UBR1: variants seen among roughly 807,000 people sequenced by gnomAD.
UBR1 encodes ubiquitin protein ligase E3 component n-recognin 1, also known as E3 ubiquitin-protein ligase UBR1.
In UBR1, 102 loss-of-function variants were observed where a neutral mutation model predicts 242.1. That is an observed-to-expected ratio of 0.42 (90% CI 0.36 to 0.50). The LOEUF (loss-of-function observed/expected upper bound fraction) is 0.50, where lower values mean the gene tolerates loss of function less well. Among genes scored for constraint, UBR1 ranks in the 20% least tolerant of loss-of-function variants. UBR1 has a pLI of 0.01. For missense variants in UBR1, 1,772 were observed against 2,101.8 expected (o/e 0.84, Z 3.07); for synonymous variants, 675 against 684.8 (o/e 0.99, Z 0.22).
At chr15:42,962,115 G>C (rs2032033015) in intron 42 of UBR1, among the ~76,000 whole-genome samples, 1 of 80,750 alleles carries the variant, frequency 1.2e-5, no homozygotes, top group African/African-American at 4.4e-5. Context: ...CTCTTTCTTT[G>C]TTGTGTCTAA....
intron 20 of UBR1, among the ~76,000 whole-genome samples, chr15:43,030,814 A>T (rs956806697): frequency 1.3e-5 from 2 of 152,240 alleles, no homozygotes; most frequent in African/African-American, 4.8e-5. Context: ...TATCTATAAG[A>T]GGGTTACAAA....
intron 6 of UBR1, among the ~76,000 whole-genome samples, chr15:43,064,867 G>A (rs765444300): frequency 1.9e-4 from 29 of 152,068 alleles, no homozygotes; most frequent in Non-Finnish European, 3.2e-4. Flanking sequence ...ACCACACCCG[G>A]CCCTATCTTA....
At chr15:42,967,824 C>T (rs1421195576) in intron 40 of UBR1, among the ~76,000 whole-genome samples, 2 of 151,598 alleles carry the variant, frequency 1.3e-5, no homozygotes, top group Non-Finnish European at 2.9e-5. Flanking sequence ...GTAAAGGTGA[C>T]TGATGAGGGG....
chr15:43,030,003 G>A lies in UBR1; in HGVS notation c.2320C>T (p.His774Tyr). 6.2e-7 allele frequency: 1 copy of A among 1,613,988 alleles called. No homozygotes were observed. Among genetic ancestry groups the A allele is most frequent in the Non-Finnish European group, 8.5e-7 (1 of 1,179,966 alleles). The change falls in exon 21 of 47, where the codon CAC becomes TAC. Residue 774 changes from histidine to tyrosine, a missense_variant. His to Tyr is a moderately conservative substitution (Grantham distance 83). This residue lies in a region of UBR1 where 73 missense variants were observed against 128.9 expected (regional missense o/e 0.57). Coordinates refer to ENST00000290650, the MANE Select transcript of UBR1 (RefSeq NM_174916.3). ...GGCATGGGTTCAATGCAAAGCAAGT[G>A]AATGATTTCTCTCATTGTGACCTCT... ...KEEVTMREII[H>Y]LLCIEPMPHS...
At chr15:43,067,647 C>A (rs1003504887) in intron 6 of UBR1, among the ~76,000 whole-genome samples, 4 of 152,168 alleles carry the variant, frequency 2.6e-5, no homozygotes, top group African/African-American at 9.7e-5. Context: ...AGATGACATT[C>A]TTACCTACGC....
rs554712845 is a variant in UBR1, at chr15:43,015,615, G to C, written c.3209+73C>G. 179 of 1,523,416 alleles carry C rather than the reference G, an allele frequency of 1.2e-4. No homozygotes were observed. The African/African-American group carries it at 2.1e-3, about 18-fold the overall frequency. 94.4% of individuals were successfully genotyped at this position (1,523,416 alleles called of 1,614,324 possible). Reference sequence around the variant, plus strand: ...TATGACCCTGCCAAATCCCCCTCTCGGAGAAACACCCAAGAATGATCAATT... The same window carrying C: ...TATGACCCTGCCAAATCCCCCTCTCCGAGAAACACCCAAGAATGATCAATT... On this transcript the variant is annotated intron_variant, in intron 29 of 46. Coordinates refer to ENST00000290650, the MANE Select transcript of UBR1 (RefSeq NM_174916.3).
At chr15:43,035,231 A>T (rs1385851872) in intron 19 of UBR1, among the ~76,000 whole-genome samples, 1 of 152,136 alleles carries the variant, frequency 6.6e-6, no homozygotes, top group Non-Finnish European at 1.5e-5. Flanking sequence ...CAAGCAAGAC[A>T]CTAAAACTTT....
intron 1 of UBR1, among the ~76,000 whole-genome samples, chr15:43,102,641 A>G (rs2034251284): frequency 1.3e-5 from 2 of 152,054 alleles, no homozygotes; most frequent in South Asian, 2.1e-4. Flanking sequence ...TTGATTCCCA[A>G]TTTTTCTCAG....
chr15:42,989,945 G>T, intron 34 of UBR1, 85 bp downstream of exon 34: 3 of 961,892 alleles, frequency 3.1e-6, no homozygotes, highest in South Asian at 1.5e-5. Context: ...AAATAAAAAA[G>T]TAAGGAAAGA....
At chr15:42,950,999 C>T (rs1287622106) in intron 45 of UBR1, among the ~76,000 whole-genome samples, 1 of 152,118 alleles carries the variant, frequency 6.6e-6, no homozygotes. Context: ...GCTGTGGGTT[C>T]CCTAAAAATA....
intron 10 of UBR1, 24 bp downstream of exon 10, chr15:43,058,317 G>T: frequency 7.1e-7 from 1 of 1,401,024 alleles, no homozygotes; most frequent in South Asian, 1.2e-5. Flanking sequence ...TCTATTTATT[G>T]ATATCTAATT....
intron 33 of UBR1, among the ~76,000 whole-genome samples, chr15:42,996,157 C>G (rs181645881): frequency 6.6e-6 from 1 of 152,332 alleles, no homozygotes; most frequent in East Asian, 1.9e-4. Flanking sequence ...TCAGCCCCTA[C>G]TGATCAATTC....
chr15:43,038,147 T>G (rs1462512983), intron 16 of UBR1, 24 bp downstream of exon 16: 16 of 1,612,430 alleles, frequency 9.9e-6, no homozygotes, highest in Non-Finnish European at 1.4e-5. Context: ...TATAAGCAAA[T>G]CAATACTTAG....
At chr15:42,998,940 T>C (rs1006561258) in intron 32 of UBR1, among the ~76,000 whole-genome samples, 1 of 148,030 alleles carries the variant, frequency 6.8e-6, no homozygotes, top group South Asian at 2.2e-4. Context: ...GCCTTTGCTT[T>C]TTTTTTTTTT....
In UBR1 at chr15:43,003,893, T is replaced by G. The variant is rs575536468; in HGVS notation, c.3453A>C (p.Ala1151=). ...CACAGCTTCCTGTATAAGTTCCATA[T>G]GCCAAGTCTGGATCCATGAAAAGTG... ...LDPLFMDPDL[A]YGTYTGSCGH... is the part of the protein sequence containing the mutation. The change falls in exon 31 of 47, where the codon GCA becomes GCC. Residue 1151 remains alanine (A), a synonymous_variant. Transcript: ENST00000290650. The G allele has an allele frequency of 6.8e-6, 11 of 1,614,004 alleles. No homozygotes were observed. Among genetic ancestry groups the G allele is most frequent in the Non-Finnish European group, 8.5e-6 (10 of 1,180,008 alleles).
Position 43,043,324 on chromosome 15 carries a change from A to G in UBR1, c.1740T>C (p.Ser580=). 6.2e-7 allele frequency: 1 copy of G among 1,614,126 alleles called. No homozygotes were observed. The highest frequency in any genetic ancestry group is 1.1e-5 in the South Asian group (1 of 91,078). ...AVMRCSTSFI[S]SSKTVVQSCG... is the part of the protein sequence containing the mutation. ...ACGATTGTACTACTGTCTTGCTACT[A>G]GATATGAAACTGGTACTGCACCTCA... is the stretch of plus-strand genomic sequence containing the variant. The change falls in exon 15 of 47, where the codon TCT becomes TCC. Residue 580 remains serine (S), a synonymous_variant. Coordinates refer to ENST00000290650, the MANE Select transcript of UBR1 (RefSeq NM_174916.3).
chr15:43,097,678 A>G (rs569248990), intron 1 of UBR1, among the ~76,000 whole-genome samples: 1 of 152,258 alleles, frequency 6.6e-6, no homozygotes, highest in Non-Finnish European at 1.5e-5. Flanking sequence ...TTTCTTAAAC[A>G]TCACGAACCA....
intron 3 of UBR1, among the ~76,000 whole-genome samples, chr15:43,082,355 T>C (rs1161315476): frequency 6.6e-6 from 1 of 152,188 alleles, no homozygotes; most frequent in African/African-American, 2.4e-5. Context: ...CAAAATTTTG[T>C]TTGTTTTCTT....
chr15:43,007,929 C>A (rs1024923713), intron 29 of UBR1, among the ~76,000 whole-genome samples: 1 of 152,208 alleles, frequency 6.6e-6, no homozygotes, highest in African/African-American at 2.4e-5. Flanking sequence ...AAAAAACTTA[C>A]ACCTTAATGA....
Sources: allele counts gnomAD v4.1 joint callset (sites outside exome capture counted in the v4.1 genomes callset), GRCh38; gene constraint gnomAD v4.1.1; regional missense constraint gnomAD v4.1.1; transcripts MANE v1.5; gene names NCBI Gene and HGNC (gene_info 2026-07-23, HGNC 2026-07-21).